Variants in RELN observed in about 807,000 individuals in gnomAD.
RELN encodes the protein reelin.
Under a neutral mutation model 427.6 loss-of-function variants are expected in RELN, and 108 were observed. The observed-to-expected ratio is 0.25, with a 90% CI of 0.22 to 0.30. The LOEUF (loss-of-function observed/expected upper bound fraction) is 0.30, where lower values mean the gene tolerates loss of function less well. Among genes scored for constraint, RELN ranks in the 10% least tolerant of loss-of-function variants. The pLI, the probability that RELN is intolerant of heterozygous loss-of-function variation, is 1.00. For missense variants in RELN, 3,715 were observed against 4,302.8 expected (o/e 0.86, Z 3.82); for synonymous variants, 1,524 against 1,513.4 (o/e 1.01, Z -0.16).
At chr7:103,579,280 G>C (rs1342779356) in intron 28 of RELN, among the ~76,000 whole-genome samples, 2 of 152,172 alleles carry the variant, frequency 1.3e-5, no homozygotes, top group African/African-American at 4.8e-5. Context: ...GAGAGAAAGA[G>C]TTTAATCTTA....
chr7:103,634,224 C>T (rs1832530756), intron 19 of RELN, among the ~76,000 whole-genome samples: 1 of 151,992 alleles, frequency 6.6e-6, no homozygotes, highest in Non-Finnish European at 1.5e-5. Context: ...TGTCCAAATC[C>T]TTCTGTCTTT....
intron 2 of RELN, among the ~76,000 whole-genome samples, chr7:103,887,477 T>C (rs1181221600): frequency 6.6e-6 from 1 of 152,072 alleles, no homozygotes; most frequent in Non-Finnish European, 1.5e-5. Flanking sequence ...TATTGGCAAC[T>C]GAAAGGGAAA....
intron 10 of RELN, among the ~76,000 whole-genome samples, 199 bp from the exon 11 acceptor site, chr7:103,682,460 C>T (rs971889306): frequency 6.6e-6 from 1 of 152,012 alleles, no homozygotes; most frequent in Non-Finnish European, 1.5e-5. Context: ...ATTAAGTTAT[C>T]ACAAAAAAGG....
chr7:103,498,756 T>C (rs1349531613), intron 53 of RELN, among the ~76,000 whole-genome samples: 1 of 152,056 alleles, frequency 6.6e-6, no homozygotes, highest in Non-Finnish European at 1.5e-5. Context: ...CCTCCCAGAG[T>C]GCTGGAATTA....
intron 4 of RELN, among the ~76,000 whole-genome samples, chr7:103,757,205 CT>C (rs1791181625): frequency 6.6e-6 from 1 of 152,108 alleles, no homozygotes; most frequent in African/African-American, 2.4e-5. Context: ...GTATAAAGGC[CT>C]TTACTCTTTC....
rs1163614345 is a variant in RELN at position 103,539,271 on chromosome 7, G to T, written c.6987C>A (p.Thr2329=). 1 of 1,614,076 alleles carries T rather than the reference G, an allele frequency of 6.2e-7. No homozygotes were observed. Among genetic ancestry groups the T allele is most frequent in the Non-Finnish European group, 8.5e-7 (1 of 1,179,962 alleles). Residue 2329 remains threonine (T), a synonymous_variant, in exon 45 of 65, where the codon ACC becomes ACA. Transcript: ENST00000428762. ...GNTVLEDDFT[T]LDSRKWLLHP... The stretch of plus-strand genomic sequence containing the variant: ...GAAGCAGCCATTTCCTACTATCAAG[G>T]GTTGTGAAATCATCTTCCAAGACCG...
At chr7:103,704,671 T>C (rs1834163148) in intron 8 of RELN, among the ~76,000 whole-genome samples, 1 of 150,968 alleles carries the variant, frequency 6.6e-6, no homozygotes, top group African/African-American at 2.4e-5. Flanking sequence ...GCACAACTCA[T>C]CTCCTATCTA....
Position 103,523,536 on chromosome 7 carries a change from G to GA in RELN, c.7350-6dup, listed in dbSNP as rs1325259154. 2.5e-6 allele frequency: 4 copies of GA among 1,614,002 alleles called. No individual in the cohort carries two copies. In the African/African-American group the frequency reaches 4.0e-5, roughly 16 times the overall value. ...CGGAAACGAGTGGCTTGGGACCTTT[G>GA]AAGAAGATGAGAATTTTAATGAAGG... On this transcript the variant is annotated splice_polypyrimidine_tract_variant and splice_region_variant and intron_variant, in intron 46 of 64. Transcript: ENST00000428762.
chr7:103,565,742 G>C (rs1480545946), intron 33 of RELN, among the ~76,000 whole-genome samples, 191 bp from the exon 34 acceptor site: 8 of 151,998 alleles, frequency 5.3e-5, no homozygotes, highest in African/African-American at 1.2e-4. Context: ...AATATAGAAG[G>C]CTGCTAATTT....
chr7:103,877,227 G>GA (rs1158498351), intron 2 of RELN, among the ~76,000 whole-genome samples: 5 of 152,004 alleles, frequency 3.3e-5, no homozygotes, highest in African/African-American at 9.7e-5. Flanking sequence ...GTCATCTATG[G>GA]AAAACAGTTC....
At chr7:103,831,057 T>C (rs188403790) in intron 3 of RELN, among the ~76,000 whole-genome samples, 3 of 152,248 alleles carry the variant, frequency 2.0e-5, no homozygotes, top group Non-Finnish European at 4.4e-5. Flanking sequence ...AATAGAGTTT[T>C]ATATCTCAAA....
intron 2 of RELN, among the ~76,000 whole-genome samples, chr7:103,841,369 A>G (rs550332253): frequency 3.7e-4 from 57 of 152,314 alleles, no homozygotes; most frequent in African/African-American, 1.3e-3. Flanking sequence ...GGGTATCTAG[A>G]CAACAAATAT....
chr7:103,500,480 GAAAAA>G (rs995586861), intron 53 of RELN, among the ~76,000 whole-genome samples: 1 of 146,532 alleles, frequency 6.8e-6, no homozygotes, highest in Non-Finnish European at 1.5e-5. Flanking sequence ...GTCTGCTTAA[GAAAAA>G]AAAAAGAAAC....
intron 3 of RELN, among the ~76,000 whole-genome samples, chr7:103,804,517 A>C (rs1792548761): frequency 6.6e-6 from 1 of 152,152 alleles, no homozygotes; most frequent in Non-Finnish European, 1.5e-5. Context: ...TTAGCTATGT[A>C]AATGGAAAAT....
At chr7:103,722,630 A>G (rs1790106447) in intron 8 of RELN, among the ~76,000 whole-genome samples, 1 of 152,210 alleles carries the variant, frequency 6.6e-6, no homozygotes, top group African/African-American at 2.4e-5. Flanking sequence ...TTTTAGCTCT[A>G]AAACAAAAGC....
intron 2 of RELN, among the ~76,000 whole-genome samples, chr7:103,838,051 C>CA (rs200104310): frequency 0.025 from 3,751 of 150,752 alleles, 141 homozygotes; most frequent in African/African-American, 0.087. Flanking sequence ...ACTAAAAATA[C>CA]AAAAAAAATT....
chr7:103,867,332 T>C lies in RELN; in HGVS notation c.338-33660A>G, dbSNP rs151292749. On this transcript the variant is annotated intron_variant, in intron 2 of 64. Transcript: ENST00000428762. ...CCAGTTTGATAATAGTTCCCCAAAA[T>C]GTCAACCCCTAAGAGAAAGATTAGT... Among the ~76,000 whole-genome samples, 507 of 151,502 alleles carry C rather than the reference T, an allele frequency of 3.3e-3. 6 individuals are homozygous for C. Among genetic ancestry groups the C allele is most frequent in the African/African-American group, 0.012 (486 of 41,296 alleles).
chr7:103,699,386 G>T (rs1445038505), intron 9 of RELN, among the ~76,000 whole-genome samples: 2 of 152,096 alleles, frequency 1.3e-5, no homozygotes, highest in Admixed American at 6.6e-5. Context: ...GCTTCAAAAA[G>T]AATTGAAATT....
At chr7:103,486,118 T>A in intron 61 of RELN, 79 bp downstream of exon 61, 1 of 1,356,616 alleles carries the variant, frequency 7.4e-7, no homozygotes, top group Non-Finnish European at 1.1e-6. Flanking sequence ...AAGTTCACAA[T>A]CCTATCTAAC....
Sources: allele counts gnomAD v4.1 joint callset (sites outside exome capture counted in the v4.1 genomes callset), GRCh38; gene constraint gnomAD v4.1.1; transcripts MANE v1.5; gene names NCBI Gene and HGNC (gene_info 2026-07-23, HGNC 2026-07-21).